MRPL22: variants seen among roughly 807,000 people sequenced by gnomAD.
MRPL22 encodes the protein mitochondrial ribosomal protein L22.
A neutral mutation model predicts 32.4 loss-of-function variants in MRPL22; 27 were observed. The ratio of observed to expected loss-of-function variants is 0.83; its 90% confidence interval spans 0.61 to 1.15. The LOEUF (loss-of-function observed/expected upper bound fraction) is 1.15, where lower values mean the gene tolerates loss of function less well. MRPL22 is among the 50% of genes most tolerant of loss of function. The pLI, the probability that MRPL22 is intolerant of heterozygous loss-of-function variation, is 0.00. For missense variants in MRPL22, 239 were observed against 260.2 expected (o/e 0.92, Z 0.56); for synonymous variants, 86 against 87.3 (o/e 0.99, Z 0.08).
At chr5:154,960,141 C>A in intron 6 of MRPL22, 92 bp downstream of exon 6, 2 of 912,432 alleles carry the variant, frequency 2.2e-6, no homozygotes, top group Non-Finnish European at 1.7e-6. Flanking sequence ...TCTAACTCCT[C>A]AGGACTTGGT....
intron 6 of MRPL22, among the ~76,000 whole-genome samples, chr5:154,964,032 T>C (rs937017499): frequency 2.0e-5 from 3 of 151,964 alleles, no homozygotes; most frequent in African/African-American, 7.3e-5. Flanking sequence ...ATGGGAAGGG[T>C]AGATTGGGCC....
intron 2 of MRPL22, among the ~76,000 whole-genome samples, chr5:154,943,692 A>T (rs934745245): frequency 1.3e-5 from 2 of 149,290 alleles, no homozygotes; most frequent in Non-Finnish European, 1.5e-5. Context: ...TTTTTTTTTT[A>T]AAGACAGCGT....
At chr5:154,955,198 T>G (rs1004540204) in intron 3 of MRPL22, 10 of 152,192 alleles carry the variant, frequency 6.6e-5, no homozygotes, top group African/African-American at 2.4e-4. Context: ...CAAGAAACTT[T>G]ATTGCTGAAA....
At chr5:154,965,770 G>T (rs1226845685) in intron 6 of MRPL22, among the ~76,000 whole-genome samples, 1 of 152,078 alleles carries the variant, frequency 6.6e-6, no homozygotes. Flanking sequence ...GTCAAATTTT[G>T]ATATACAGAA....
At chr5:154,957,114 T>A in intron 4 of MRPL22, 21 bp from the exon 5 acceptor site, 1 of 1,587,202 alleles carries the variant, frequency 6.3e-7, no homozygotes, top group South Asian at 1.1e-5. Context: ...TTTTCTTTTG[T>A]CTCTCACCCT....
At chr5:154,945,826 GT>G (rs1421323723) in intron 2 of MRPL22, among the ~76,000 whole-genome samples, 1 of 152,190 alleles carries the variant, frequency 6.6e-6, no homozygotes, top group Non-Finnish European at 1.5e-5. Flanking sequence ...TGTATTTTCT[GT>G]TTTAAGGTTG....
intron 4 of MRPL22, 48 bp from the exon 5 acceptor site, chr5:154,957,087 C>T: frequency 6.7e-7 from 1 of 1,503,502 alleles, no homozygotes; most frequent in Non-Finnish European, 9.2e-7. Context: ...GAAACATTGA[C>T]TTTGTAAACT....
At chr5:154,942,039 C>T (rs182249551) in intron 2 of MRPL22, among the ~76,000 whole-genome samples, 134 of 152,250 alleles carry the variant, frequency 8.8e-4, no homozygotes, top group Middle Eastern at 6.8e-3. Context: ...TCTTAATAAG[C>T]TTCAGTTATC....
At chr5:154,951,016 C>A in intron 3 of MRPL22, 78 bp downstream of exon 3, 1 of 958,148 alleles carries the variant, frequency 1.0e-6, no homozygotes, top group African/African-American at 1.7e-5. Context: ...ATTTATTATT[C>A]TGTGTTAAAA....
intron 5 of MRPL22, 78 bp from the exon 6 acceptor site, chr5:154,959,902 G>C (rs921993805): frequency 1.1e-6 from 1 of 950,486 alleles, no homozygotes; most frequent in Non-Finnish European, 1.7e-6. Context: ...ATAGTACAGA[G>C]ATAATGAGAG....
At chr5:154,959,539 T>G (rs551824087) in intron 5 of MRPL22, among the ~76,000 whole-genome samples, 1 of 151,900 alleles carries the variant, frequency 6.6e-6, no homozygotes, top group South Asian at 2.1e-4. Flanking sequence ...AGGCGGGGTT[T>G]TGACATGTTT....
chr5:154,950,754 G>A, intron 2 of MRPL22, 67 bp from the exon 3 acceptor site: 1 of 1,000,312 alleles, frequency 1.0e-6, no homozygotes, highest in South Asian at 1.3e-5. Flanking sequence ...TGGTTCAAAA[G>A]ATATGTAAAC....
intron 5 of MRPL22, among the ~76,000 whole-genome samples, chr5:154,958,498 A>G (rs1764659987): frequency 6.9e-6 from 1 of 145,180 alleles, no homozygotes; most frequent in African/African-American, 2.5e-5. Context: ...TTATCTTTTA[A>G]GGCGTGAAAG....
At chr5:154,944,932 G>T (rs1448181690) in intron 2 of MRPL22, among the ~76,000 whole-genome samples, 1 of 152,208 alleles carries the variant, frequency 6.6e-6, no homozygotes, top group Non-Finnish European at 1.5e-5. Context: ...AAAAAGGAGA[G>T]GGATAGTGAT....
intron 2 of MRPL22, among the ~76,000 whole-genome samples, chr5:154,943,565 GAT>G (rs10544928): frequency 0.83 from 124,389 of 150,184 alleles, 51,657 homozygotes; most frequent in East Asian, 0.87. Context: ...ATTTCTGCAG[GAT>G]ATATATATAT....
Position 154,944,652 on chromosome 5 carries a change from G to A in MRPL22, c.77+3387G>A, listed in dbSNP as rs552798171. Among the ~76,000 whole-genome samples, 4 of 152,210 alleles carry A rather than the reference G, an allele frequency of 2.6e-5. No individual in the cohort carries two copies. In the South Asian group the frequency reaches 8.3e-4, roughly 32 times the overall value. ...ACAATATAGTAAGGGGGGCAAATAA[G>A]CAAAATAAGTAAAATATAGAGTATA... On this transcript the variant is annotated intron_variant, in intron 2 of 6. Coordinates refer to ENST00000523037, the MANE Select transcript of MRPL22 (RefSeq NM_014180.4).
intron 6 of MRPL22, among the ~76,000 whole-genome samples, chr5:154,965,091 C>G (rs1431124083): frequency 6.6e-6 from 1 of 152,088 alleles, no homozygotes; most frequent in Non-Finnish European, 1.5e-5. Flanking sequence ...TCACTTAGAC[C>G]CTAGGCAGTT....
intron 5 of MRPL22, chr5:154,958,992 T>C (rs1764667352): frequency 6.6e-6 from 1 of 152,216 alleles, no homozygotes; most frequent in African/African-American, 2.4e-5. Context: ...GTTATTTGCA[T>C]CCAAAGTTTA....
intron 2 of MRPL22, among the ~76,000 whole-genome samples, chr5:154,941,760 T>C (rs983380790): frequency 2.0e-5 from 3 of 152,234 alleles, no homozygotes; most frequent in Admixed American, 2.0e-4. Context: ...ATAACTTGCC[T>C]AAGGCCACTC....
Sources: gnomAD v4.1 joint callset for allele counts (sites outside exome capture counted in the v4.1 genomes callset) on GRCh38, gnomAD v4.1.1 for gene constraint, MANE v1.5 for transcripts, NCBI Gene and HGNC (gene_info 2026-07-23, HGNC 2026-07-21) for gene names.